BICD1: variants seen among roughly 807,000 people sequenced by gnomAD.
BICD1 encodes the protein protein bicaudal D homolog 1.
In BICD1, 35 loss-of-function variants were observed where a neutral mutation model predicts 92.5. That is an observed-to-expected ratio of 0.38 (90% CI 0.29 to 0.50). The LOEUF is 0.50. Ranked by LOEUF, BICD1 falls within the 20% of genes least tolerant of loss-of-function variation. BICD1 has a pLI of 0.93. For missense variants in BICD1, 950 were observed against 1,189.8 expected (o/e 0.80, Z 2.97); for synonymous variants, 429 against 465.1 (o/e 0.92, Z 1.00).
chr12:32,314,062 TTTTAAAGG>T (rs1446112784), intron 4 of BICD1, among the ~76,000 whole-genome samples: 1 of 152,226 alleles, frequency 6.6e-6, no homozygotes, highest in East Asian at 1.9e-4. Flanking sequence ...TAGCATAACA[TTTTAAAGG>T]TTCGTCCATG....
intron 1 of BICD1, among the ~76,000 whole-genome samples, chr12:32,133,726 A>G (rs1165490514): frequency 6.6e-6 from 1 of 151,394 alleles, no homozygotes; most frequent in Non-Finnish European, 1.5e-5. Flanking sequence ...CTAGCCATGG[A>G]TACTTTTTAA....
At position 32,337,578 on chromosome 12, in the gene BICD1, A is replaced by G. The variant is rs200845476; in HGVS notation, c.2332A>G (p.Thr778Ala). ...AGAGGATGAGAAGAAGACTCTGAAC[A>G]CTTTGTTACGAATGGCTATCCAGCA... The part of the protein sequence containing the change: ...AAEDEKKTLN[T>A]LLRMAIQQKL... Residue 778 changes from threonine (T) to alanine (A), a missense_variant, in exon 7 of 10, where the codon ACT becomes GCT. Thr to Ala is a moderately conservative substitution (Grantham distance 58, BLOSUM62 0). Around this residue, in one of 5 missense-constraint regions of BICD1, gnomAD observed 309 missense variants for 499.4 expected, o/e 0.62. Coordinates refer to ENST00000652176, the MANE Select transcript of BICD1 (RefSeq NM_001714.4). This position sits in a 1 kb window ranked among gnomAD's most constrained non-coding sequence, Gnocchi z 4.7. 2 of 1,614,092 alleles carry G rather than the reference A, an allele frequency of 1.2e-6. No individual in the cohort carries two copies. Among genetic ancestry groups the G allele is most frequent in the Non-Finnish European group, 1.7e-6 (2 of 1,180,050 alleles).
At position 32,347,061 on chromosome 12, in the gene BICD1, C is replaced by T. The variant is rs1045059488; in HGVS notation, c.2764+8082C>T. Among the ~76,000 whole-genome samples, 5 of 150,866 alleles carry T rather than the reference C, an allele frequency of 3.3e-5. No individual in the cohort carries two copies. In the East Asian group the frequency reaches 6.0e-4, roughly 18 times the overall value. Reference sequence around the variant, plus strand: ...CCGCCTCCCAGGTTCAAGCGATTCTCCTGCCTCAGCCTCCCAACTAGCTAG... The same window carrying T: ...CCGCCTCCCAGGTTCAAGCGATTCTTCTGCCTCAGCCTCCCAACTAGCTAG... On this transcript the variant is annotated intron_variant, in intron 8 of 9. Coordinates refer to ENST00000652176, the MANE Select transcript of BICD1 (RefSeq NM_001714.4).
chr12:32,176,107 A>C (rs1944082145), intron 1 of BICD1, among the ~76,000 whole-genome samples: 1 of 152,166 alleles, frequency 6.6e-6, no homozygotes, highest in South Asian at 2.1e-4. Context: ...TGCATGTACT[A>C]CATTTTGTGT....
chr12:32,265,335 G>A (rs762812478), intron 2 of BICD1, among the ~76,000 whole-genome samples: 4 of 152,072 alleles, frequency 2.6e-5, no homozygotes, highest in African/African-American at 7.2e-5. Context: ...GTTCCCATGC[G>A]AATGTCTTGG....
At chr12:32,374,244 A>G (rs1042198124) in intron 9 of BICD1, among the ~76,000 whole-genome samples, 4 of 151,880 alleles carry the variant, frequency 2.6e-5, no homozygotes, top group Admixed American at 6.6e-5. Context: ...GAAAAGAAAA[A>G]AAAGCCATAT....
intron 1 of BICD1, among the ~76,000 whole-genome samples, chr12:32,183,112 G>A (rs532692905): frequency 1.3e-5 from 2 of 151,658 alleles, no homozygotes; most frequent in South Asian, 4.2e-4. Flanking sequence ...TGTTGCCCAG[G>A]CTGGTCTCAA....
chr12:32,249,139 A>G (rs1408362363), intron 2 of BICD1, among the ~76,000 whole-genome samples: 1 of 152,188 alleles, frequency 6.6e-6, no homozygotes, highest in Non-Finnish European at 1.5e-5. Flanking sequence ...CCTGTGTATT[A>G]TACAGCACCA....
At position 32,117,069 on chromosome 12, in the gene BICD1, G is replaced by A. The variant is rs114120157; in HGVS notation, c.213+9525G>A. The stretch of plus-strand genomic sequence containing the variant: ...GCAGAACAAGGCCCTGTGAGTCACT[G>A]GGAGCCAGATTTTGGATCAAAATAA... On this transcript the variant is annotated intron_variant, in intron 1 of 9. Coordinates refer to ENST00000652176, the MANE Select transcript of BICD1 (RefSeq NM_001714.4). 6.2e-3 allele frequency among the ~76,000 whole-genome samples: 944 copies of A among 152,214 alleles called. 12 individuals carry two copies. The highest frequency in any genetic ancestry group is 0.022 in the African/African-American group (909 of 41,540).
At chr12:32,355,140 T>TACAGTTACC (rs1295192739) in intron 8 of BICD1, among the ~76,000 whole-genome samples, 2 of 152,254 alleles carry the variant, frequency 1.3e-5, no homozygotes, top group East Asian at 3.8e-4. Flanking sequence ...ATTAAAGTCC[T>TACAGTTACC]ACAGTTACCA....
chr12:32,206,770 G>T (rs891962737), intron 1 of BICD1, among the ~76,000 whole-genome samples: 1 of 152,168 alleles, frequency 6.6e-6, no homozygotes, highest in Non-Finnish European at 1.5e-5. Flanking sequence ...TTATTAATAT[G>T]AAGTATATAT....
At chr12:32,164,104 C>T (rs375994109) in intron 1 of BICD1, among the ~76,000 whole-genome samples, 3 of 152,082 alleles carry the variant, frequency 2.0e-5, no homozygotes, top group African/African-American at 4.8e-5. Context: ...CTTAGTGAAA[C>T]GAACTTAGAA....
chr12:32,361,933 C>G (rs553021735), intron 8 of BICD1, among the ~76,000 whole-genome samples: 2 of 152,334 alleles, frequency 1.3e-5, no homozygotes, highest in Admixed American at 1.3e-4. Flanking sequence ...CACCAGTGCC[C>G]ACTGCTGCCA....
intron 1 of BICD1, among the ~76,000 whole-genome samples, chr12:32,212,713 G>A (rs973013353): frequency 3.3e-5 from 5 of 152,146 alleles, no homozygotes; most frequent in South Asian, 2.1e-4. Flanking sequence ...GTGAGCCACC[G>A]TGTCCAGCCT....
rs1471342326 is a variant in BICD1, at chr12:32,338,905, G to GC, written c.2696dup (p.Ser900PhefsTer4). The GC allele has an allele frequency of 6.2e-7, 1 of 1,608,360 alleles. No homozygotes were observed. Among genetic ancestry groups the GC allele is most frequent in the Non-Finnish European group, 8.5e-7 (1 of 1,177,772 alleles). On this transcript the variant is annotated frameshift_variant, in exon 8 of 10. Transcript: ENST00000652176. LOFTEE classifies it high-confidence loss of function. ...TCCACAGAATCATTTCTTCTGAAGG[G>GC]CCCCCCTTCCATGAGTGAATTCATC...
At chr12:32,332,509 A>G in intron 5 of BICD1, 1 of 903,478 alleles carries the variant, frequency 1.1e-6, no homozygotes, top group Non-Finnish European at 1.3e-6. Context: ...TCCATCTAGC[A>G]CTGTGCTAGA....
intron 1 of BICD1, among the ~76,000 whole-genome samples, chr12:32,142,423 A>C (rs1164935131): frequency 1.5e-4 from 7 of 46,714 alleles, no homozygotes; most frequent in African/African-American, 5.9e-4. Flanking sequence ...AAAAAAAAAA[A>C]AAAAAAAACA....
At chr12:32,115,805 G>A (rs7959397) in intron 1 of BICD1, among the ~76,000 whole-genome samples, 29,556 of 152,004 alleles carry the variant, frequency 0.19, 3,129 homozygotes, top group African/African-American at 0.24. Context: ...ATGGAGATAC[G>A]TGTATCAGCA....
At chr12:32,288,299 A>G (rs1947633973) in intron 2 of BICD1, among the ~76,000 whole-genome samples, 1 of 140,458 alleles carries the variant, frequency 7.1e-6, no homozygotes, top group Admixed American at 7.7e-5. Flanking sequence ...TGGCATGATC[A>G]TGGCTCACTG....
Sources: allele counts gnomAD v4.1 joint callset (sites outside exome capture counted in the v4.1 genomes callset), GRCh38; gene constraint gnomAD v4.1.1; regional missense constraint gnomAD v4.1.1; non-coding constraint Gnocchi (gnomAD v3.1); transcripts MANE v1.5; gene names NCBI Gene and HGNC (gene_info 2026-07-23, HGNC 2026-07-21).